KAZN: variants seen among roughly 807,000 people sequenced by gnomAD.
The protein encoded by KAZN is kazrin.
In KAZN, 40 loss-of-function variants were observed where a neutral mutation model predicts 87.4. The ratio of observed to expected loss-of-function variants is 0.46; its 90% CI spans 0.36 to 0.60. The LOEUF (loss-of-function observed/expected upper bound fraction) is 0.60. KAZN is among the 20% of genes least tolerant of loss of function. KAZN has a pLI of 0.00. For synonymous variants in KAZN, 466 were observed against 458.3 expected (o/e 1.02, Z -0.22); for missense variants, 898 against 1,073.9 (o/e 0.84, Z 2.29).
intron 1 of KAZN, among the ~76,000 whole-genome samples, chr1:14,055,033 T>A (rs1268685637): frequency 6.6e-6 from 1 of 152,188 alleles, no homozygotes; most frequent in South Asian, 2.1e-4. Flanking sequence ...ACTCACTAGA[T>A]ATCAGTGGTC....
chr1:14,516,373 G>A (rs1312692047), intron 2 of KAZN, among the ~76,000 whole-genome samples: 1 of 152,332 alleles, frequency 6.6e-6, no homozygotes, highest in African/African-American at 2.4e-5. Context: ...GAGTGGTTTA[G>A]GTGAACTGAC....
At chr1:14,369,304 T>C (rs1236172672) in intron 2 of KAZN, among the ~76,000 whole-genome samples, 1 of 152,224 alleles carries the variant, frequency 6.6e-6, no homozygotes, top group Non-Finnish European at 1.5e-5. Context: ...GTTTCCTCGC[T>C]CAATGCCAGG....
rs1641656819 is a variant in KAZN, at chr1:15,112,272, A to C, written c.2049-155A>C. The C allele has an allele frequency of 4.7e-6, 3 of 644,210 alleles. No homozygotes were observed. In the South Asian group the frequency reaches 5.3e-5, roughly 11 times the overall value. The allele number at this position is 644,210 out of a possible 1,614,324, so 39.9% of individuals were successfully genotyped here. ...ATCACGCTTATAAAGTGCTGAGCAC[A>C]AGGATGGCACGTGGGAGGTAATCAG... On this transcript the variant is annotated intron_variant, in intron 13 of 14. Transcript: ENST00000376030.
chr1:15,062,958 G>C (rs1638919973), intron 6 of KAZN: 1 of 152,594 alleles, frequency 6.6e-6, no homozygotes, highest in African/African-American at 2.4e-5. Flanking sequence ...GCTCCTGCCT[G>C]GAAGGAGCAC....
At chr1:14,834,432 GCTCACTGCAAGCTCCGC>G (rs1557538045) in intron 1 of KAZN, among the ~76,000 whole-genome samples, 1 of 148,706 alleles carries the variant, frequency 6.7e-6, no homozygotes, top group Non-Finnish European at 1.5e-5. Context: ...CATGATCTCG[GCTCACTGCAAGCTCCGC>G]CTCTGGGGTT....
intron 1 of KAZN, among the ~76,000 whole-genome samples, chr1:14,824,879 T>C (rs1646839775): frequency 6.6e-6 from 1 of 152,258 alleles, no homozygotes; most frequent in Non-Finnish European, 1.5e-5. Context: ...GATATTTTGG[T>C]TTGAAGTGTC....
intron 8 of KAZN, among the ~76,000 whole-genome samples, chr1:15,069,865 C>T (rs1639428955): frequency 6.6e-6 from 1 of 152,190 alleles, no homozygotes; most frequent in Non-Finnish European, 1.5e-5. Flanking sequence ...CGTCTGTGTG[C>T]TCCTCCTACC....
chr1:14,183,994 G>A (rs1646253816), intron 2 of KAZN, among the ~76,000 whole-genome samples: 3 of 152,086 alleles, frequency 2.0e-5, no homozygotes. Flanking sequence ...GGAAGAGCTT[G>A]CTTTAAGGGA....
At chr1:14,144,460 A>T (rs556224681) in intron 1 of KAZN, among the ~76,000 whole-genome samples, 33 of 150,418 alleles carry the variant, frequency 2.2e-4, no homozygotes, top group East Asian at 3.9e-4. Flanking sequence ...GTTTATTATT[A>T]TTTTTTTTTG....
chr1:14,448,778 G>A (rs983748702), intron 2 of KAZN, among the ~76,000 whole-genome samples: 6 of 152,142 alleles, frequency 3.9e-5, no homozygotes, highest in South Asian at 2.1e-4. Context: ...CAAACAAGAC[G>A]CCTGACTCCC....
intron 2 of KAZN, among the ~76,000 whole-genome samples, chr1:14,438,731 G>T (rs903343286): frequency 1.3e-5 from 2 of 152,180 alleles, no homozygotes; most frequent in Admixed American, 1.3e-4. Flanking sequence ...ATTCTGAGTG[G>T]AATTTTCTCT....
At chr1:14,233,704 A>T (rs1648089547) in intron 2 of KAZN, among the ~76,000 whole-genome samples, 1 of 152,242 alleles carries the variant, frequency 6.6e-6, no homozygotes, top group East Asian at 1.9e-4. Context: ...TGCAATGTAC[A>T]TACTTTTTAA....
intron 2 of KAZN, chr1:14,349,041 A>G (rs1172449195): frequency 3.3e-5 from 5 of 152,250 alleles, no homozygotes; most frequent in Non-Finnish European, 7.3e-5. Context: ...ATGAATTCAA[A>G]AGAAAACAAA....
chr1:15,035,782 T>A lies in KAZN; in HGVS notation c.555+897T>A, dbSNP rs537440108. Among the ~76,000 whole-genome samples the A allele has an allele frequency of 9.2e-5, 14 of 152,234 alleles. No individual in the cohort carries two copies. The South Asian group carries it at 2.9e-3, about 32-fold the overall frequency. Reference sequence around the variant, plus strand: ...GGAACCCAGGAGGTGGAGGTTGCAGTGAGCCGAGATCACCCCACTGCACTC... The same window carrying A: ...GGAACCCAGGAGGTGGAGGTTGCAGAGAGCCGAGATCACCCCACTGCACTC... On this transcript the variant is annotated intron_variant, in intron 3 of 14. Transcript: ENST00000376030.
At chr1:14,271,273 T>C (rs1019131419) in intron 2 of KAZN, among the ~76,000 whole-genome samples, 1 of 152,224 alleles carries the variant, frequency 6.6e-6, no homozygotes, top group Non-Finnish European at 1.5e-5. Flanking sequence ...TATAGTTGTA[T>C]TCTGAGGTTC....
At chr1:15,012,734 C>G (rs1280982539) in intron 2 of KAZN, among the ~76,000 whole-genome samples, 1 of 152,112 alleles carries the variant, frequency 6.6e-6, no homozygotes, top group Non-Finnish European at 1.5e-5. Flanking sequence ...CCAACCTGTC[C>G]AACATGGCAA....
chr1:15,012,419 TG>T (rs994385552), intron 2 of KAZN, among the ~76,000 whole-genome samples: 1 of 152,102 alleles, frequency 6.6e-6, no homozygotes, highest in Non-Finnish European at 1.5e-5. Flanking sequence ...TGAGTAAGGA[TG>T]GGGGGTTGGA....
At chr1:14,634,179 G>T (rs1224026437) in intron 1 of KAZN, among the ~76,000 whole-genome samples, 1 of 152,074 alleles carries the variant, frequency 6.6e-6, no homozygotes, top group Non-Finnish European at 1.5e-5. Context: ...GCCGTTTATC[G>T]TAATTCAGCT....
At chr1:15,110,505 A>G (rs201213702) in intron 13 of KAZN, among the ~76,000 whole-genome samples, 16 of 15,086 alleles carry the variant, frequency 1.1e-3, no homozygotes, top group African/African-American at 1.8e-3. Flanking sequence ...ATGTGTGTGT[A>G]TTTGTGTGTT....
Sources: allele counts gnomAD v4.1 joint callset (sites outside exome capture counted in the v4.1 genomes callset), GRCh38; gene constraint gnomAD v4.1.1; transcripts MANE v1.5; gene names NCBI Gene and HGNC (gene_info 2026-07-23, HGNC 2026-07-21).